COX10: variants seen among roughly 807,000 people sequenced by gnomAD.
COX10 encodes the protein cytochrome c oxidase assembly factor heme A:farnesyltransferase COX10.
A neutral mutation model predicts 37.3 loss-of-function variants in COX10; 27 were observed. The observed-to-expected ratio is 0.72, with a 90% CI of 0.53 to 1.00. COX10 has a LOEUF of 1.00. Among genes scored for constraint, COX10 ranks in the 50% least tolerant of loss-of-function variants. The probability of loss-of-function intolerance (pLI) is 0.00; values close to 1 mark genes in which losing one functional copy is unlikely to be tolerated. For missense variants in COX10, 475 were observed against 563.2 expected (o/e 0.84, Z 1.59); for synonymous variants, 222 against 229.1 (o/e 0.97, Z 0.28).
intron 4 of COX10, among the ~76,000 whole-genome samples, chr17:14,123,971 G>C (rs1323316898): frequency 6.6e-6 from 1 of 152,046 alleles, no homozygotes; most frequent in Non-Finnish European, 1.5e-5. Flanking sequence ...GTAGTACCCA[G>C]CTGTGAAACT....
intron 5 of COX10, among the ~76,000 whole-genome samples, chr17:14,176,009 T>C (rs1289221772): frequency 6.6e-6 from 1 of 152,094 alleles, no homozygotes; most frequent in Non-Finnish European, 1.5e-5. Flanking sequence ...ATGGGGCTGG[T>C]GTGATCAGAT....
chr17:14,102,271 G>GT, intron 4 of COX10, 29 bp downstream of exon 4: 1 of 1,612,932 alleles, frequency 6.2e-7, no homozygotes, highest in East Asian at 2.2e-5. Flanking sequence ...TCTAAATTAT[G>GT]TTATTGTCAC....
intron 1 of COX10, among the ~76,000 whole-genome samples, chr17:14,073,408 T>C (rs116951862): frequency 6.6e-6 from 1 of 152,210 alleles, no homozygotes; most frequent in East Asian, 1.9e-4. Flanking sequence ...TTATGTACAA[T>C]AGGGAACAGA....
intron 6 of COX10, among the ~76,000 whole-genome samples, chr17:14,192,937 G>A (rs1476876545): frequency 1.3e-5 from 2 of 152,022 alleles, no homozygotes; most frequent in Admixed American, 6.5e-5. Flanking sequence ...AAAGGCAGTT[G>A]ACCATAAACC....
chr17:14,169,393 G>T (rs1905388801), intron 5 of COX10, among the ~76,000 whole-genome samples: 1 of 152,078 alleles, frequency 6.6e-6, no homozygotes, highest in African/African-American at 2.4e-5. Context: ...GTCTTTTTCT[G>T]AGCCCTTCAA....
chr17:14,135,123 G>C (rs1470001408), intron 4 of COX10, among the ~76,000 whole-genome samples: 1 of 151,544 alleles, frequency 6.6e-6, no homozygotes, highest in African/African-American at 2.4e-5. Context: ...ATACTATATA[G>C]AGCTGTTCAT....
intron 1 of COX10, among the ~76,000 whole-genome samples, chr17:14,072,441 G>A (rs771688813): frequency 1.3e-5 from 2 of 152,046 alleles, no homozygotes; most frequent in Admixed American, 6.6e-5. Flanking sequence ...GGATGGTCTC[G>A]AACTCCTGAC....
intron 4 of COX10, among the ~76,000 whole-genome samples, chr17:14,108,383 A>G (rs893058292): frequency 2.6e-5 from 4 of 152,214 alleles, no homozygotes; most frequent in Non-Finnish European, 5.9e-5. Flanking sequence ...TTCATAACTT[A>G]GTCTTAGCTT....
At position 14,138,284 on chromosome 17, in the gene COX10, G is replaced by A. The variant is rs138617039; in HGVS notation, c.625-21593G>A. 7.2e-5 allele frequency among the ~76,000 whole-genome samples: 11 copies of A among 152,120 alleles called. No individual in the cohort carries two copies. In the East Asian group the frequency reaches 2.1e-3, roughly 29 times the overall value. On this transcript the variant is annotated intron_variant, in intron 4 of 6. Transcript: ENST00000261643. ...ATTAAATATTATTTGTTTTTAAGGG[G>A]CTTTTAGAATATTGTGTATTGTGCC... is the stretch of plus-strand genomic sequence containing the variant.
chr17:14,121,534 T>C (rs1413286736), intron 4 of COX10, among the ~76,000 whole-genome samples: 3 of 152,162 alleles, frequency 2.0e-5, no homozygotes, highest in African/African-American at 7.2e-5. Flanking sequence ...CTGTCACTAC[T>C]TGTAGTTGTG....
chr17:14,118,489 A>G lies in COX10; in HGVS notation c.624+16247A>G, dbSNP rs77551632. ...AATTAGGACTACATTGTATCTGCCT[A>G]TGTATTTGTATAAAGTATACATCTT... On this transcript the variant is annotated intron_variant, in intron 4 of 6. Coordinates refer to ENST00000261643, the MANE Select transcript of COX10 (RefSeq NM_001303.4). Among the ~76,000 whole-genome samples, 39 of 152,230 alleles carry G rather than the reference A, an allele frequency of 2.6e-4. No homozygotes were observed. The East Asian group carries it at 6.4e-3, about 25-fold the overall frequency.
At chr17:14,110,947 C>A (rs1177886608) in intron 4 of COX10, among the ~76,000 whole-genome samples, 2 of 152,038 alleles carry the variant, frequency 1.3e-5, no homozygotes, top group Non-Finnish European at 2.9e-5. Flanking sequence ...ATTCTGAATT[C>A]TAAACTGAGC....
rs529007829 is a variant in COX10 at position 14,086,449 on chromosome 17, A to G, written c.499+9393A>G. 3.3e-5 allele frequency among the ~76,000 whole-genome samples: 5 copies of G among 152,244 alleles called. No homozygotes were observed. In the East Asian group the frequency reaches 9.6e-4, roughly 29 times the overall value. ...CTCTGTGCCTGGAATAAATACCTCA[A>G]TTCTGCTAATGTTTTAATTGGGATT... On this transcript the variant is annotated intron_variant, in intron 3 of 6. Coordinates refer to ENST00000261643, the MANE Select transcript of COX10 (RefSeq NM_001303.4).
chr17:14,134,440 A>G (rs991653973), intron 4 of COX10, among the ~76,000 whole-genome samples: 5 of 151,874 alleles, frequency 3.3e-5, no homozygotes. Flanking sequence ...AGTTCTTACA[A>G]GTATTTTAAT....
intron 4 of COX10, among the ~76,000 whole-genome samples, chr17:14,129,263 T>G (rs1705931994): frequency 6.6e-6 from 1 of 151,922 alleles, no homozygotes; most frequent in African/African-American, 2.4e-5. Flanking sequence ...GAAATGAAAT[T>G]TATTCTCTTT....
At chr17:14,131,491 A>T (rs1473531571) in intron 4 of COX10, among the ~76,000 whole-genome samples, 1 of 152,040 alleles carries the variant, frequency 6.6e-6, no homozygotes, top group East Asian at 1.9e-4. Context: ...TAAGAAATGA[A>T]TTTTCTCTCA....
chr17:14,084,457 C>A (rs1317941280), intron 3 of COX10, among the ~76,000 whole-genome samples: 2 of 152,050 alleles, frequency 1.3e-5, no homozygotes, highest in Non-Finnish European at 2.9e-5. Flanking sequence ...TTCTATGCAT[C>A]TCATATATTT....
intron 4 of COX10, among the ~76,000 whole-genome samples, chr17:14,129,052 G>T (rs1469027108): frequency 6.6e-6 from 1 of 151,988 alleles, no homozygotes; most frequent in South Asian, 2.1e-4. Context: ...CACCATATTG[G>T]CCAGGCTGGT....
At chr17:14,084,426 A>G (rs968456419) in intron 3 of COX10, among the ~76,000 whole-genome samples, 2 of 152,292 alleles carry the variant, frequency 1.3e-5, no homozygotes, top group East Asian at 3.9e-4. Flanking sequence ...ATATTTTGAT[A>G]TATTCTCTTC....
Sources: allele counts gnomAD v4.1 joint callset (sites outside exome capture counted in the v4.1 genomes callset), GRCh38; gene constraint gnomAD v4.1.1; transcripts MANE v1.5; gene names NCBI Gene and HGNC (gene_info 2026-07-23, HGNC 2026-07-21).